The following LRP1B variants were observed in gnomAD, a reference collection of about 807,000 sequenced individuals.
LRP1B encodes the protein low-density lipoprotein receptor-related protein 1B.
In LRP1B, 217 loss-of-function variants were observed where a neutral mutation model predicts 556.6. That is an observed-to-expected ratio of 0.39 (90% CI 0.35 to 0.44). The LOEUF is 0.44. Among genes scored for constraint, LRP1B ranks in the 20% least tolerant of loss-of-function variants. LRP1B has a pLI of 1.00. For missense variants in LRP1B, 5,053 were observed against 5,620.8 expected (o/e 0.90, Z 3.23); for synonymous variants, 2,047 against 1,865.8 (o/e 1.10, Z -2.50).
chr2:140,533,980 T>C (rs181386417), intron 47 of LRP1B, 41 bp downstream of exon 47: 1 of 1,609,708 alleles, frequency 6.2e-7, no homozygotes, highest in South Asian at 1.1e-5. Context: ...AGGAAACACT[T>C]AGCACACCAA....
intron 1 of LRP1B, among the ~76,000 whole-genome samples, chr2:141,926,196 A>G (rs1304171067): frequency 1.3e-5 from 2 of 152,224 alleles, no homozygotes; most frequent in African/African-American, 2.4e-5. Context: ...AATCATTCTG[A>G]ACATTATCAA....
intron 15 of LRP1B, among the ~76,000 whole-genome samples, chr2:141,004,049 A>T (rs1697500587): frequency 6.6e-6 from 1 of 152,070 alleles, no homozygotes; most frequent in South Asian, 2.1e-4. Context: ...TCTTTTCTTC[A>T]TCAGAAGAGA....
At chr2:140,726,038 T>G (rs1404016829) in intron 35 of LRP1B, among the ~76,000 whole-genome samples, 1 of 151,954 alleles carries the variant, frequency 6.6e-6, no homozygotes, top group African/African-American at 2.4e-5. Context: ...TAGTCACGAG[T>G]AGGGTGCAGG....
At chr2:140,652,118 A>G (rs1274309230) in intron 41 of LRP1B, among the ~76,000 whole-genome samples, 1 of 152,150 alleles carries the variant, frequency 6.6e-6, no homozygotes, top group Non-Finnish European at 1.5e-5. Context: ...AACATTTAAG[A>G]TTAAAAGGGA....
rs535469285 is a variant in LRP1B, at chr2:140,473,277, C to A, written c.9625+1861G>T. On this transcript the variant is annotated intron_variant, in intron 60 of 90. Coordinates refer to ENST00000389484, the MANE Select transcript of LRP1B (RefSeq NM_018557.3). ...TTTTTCACTAGTCTTTCTGAGAAAA[C>A]CTTCAGGAGAAAATATTCTGAAGGC... Among the ~76,000 whole-genome samples the A allele has an allele frequency of 9.2e-5, 14 of 152,070 alleles. No homozygotes were observed. The East Asian group carries it at 2.7e-3, about 29-fold the overall frequency.
chr2:140,952,656 A>G (rs1273769009), intron 18 of LRP1B, among the ~76,000 whole-genome samples: 2 of 152,170 alleles, frequency 1.3e-5, no homozygotes, highest in East Asian at 3.9e-4. Context: ...GCATAGAAAA[A>G]GAGTTTGAAA....
In LRP1B at chr2:141,008,550, T is replaced by C. The variant is rs1697647801; in HGVS notation, c.2381-3093A>G. ...CTAAATATACCAAAACCAACAAAAG[T>C]CTATTACTTTCAGGAAGCAGATAGT... On this transcript the variant is annotated intron_variant, in intron 14 of 90. Coordinates refer to ENST00000389484, the MANE Select transcript of LRP1B (RefSeq NM_018557.3). Among the ~76,000 whole-genome samples the C allele has an allele frequency of 2.0e-5, 3 of 151,724 alleles. No individual in the cohort carries two copies. In the South Asian group the frequency reaches 6.2e-4, roughly 31 times the overall value.
intron 35 of LRP1B, among the ~76,000 whole-genome samples, chr2:140,748,136 T>TATATATAA (rs1360430336): frequency 7.0e-4 from 25 of 35,664 alleles, no homozygotes; most frequent in South Asian, 1.6e-3. Flanking sequence ...TATATATATA[T>TATATATAA]AATTCATATA....
intron 3 of LRP1B, among the ~76,000 whole-genome samples, chr2:141,452,244 T>G (rs1387471957): frequency 1.3e-5 from 2 of 152,120 alleles, no homozygotes; most frequent in Non-Finnish European, 2.9e-5. Context: ...TCAGCCAGTG[T>G]GTGATGAAAA....
intron 41 of LRP1B, among the ~76,000 whole-genome samples, chr2:140,624,923 A>C (rs1185445042): frequency 6.6e-6 from 1 of 152,216 alleles, no homozygotes; most frequent in East Asian, 1.9e-4. Context: ...CATTCTAGGC[A>C]GAAGAAACAG....
chr2:140,942,243 G>T (rs928727355), intron 20 of LRP1B, among the ~76,000 whole-genome samples: 3 of 151,972 alleles, frequency 2.0e-5, no homozygotes, highest in African/African-American at 7.3e-5. Flanking sequence ...CAAAAATAAA[G>T]AAAAATAATT....
chr2:141,639,798 T>A (rs1574178365), intron 2 of LRP1B, among the ~76,000 whole-genome samples: 1 of 152,040 alleles, frequency 6.6e-6, no homozygotes, highest in East Asian at 1.9e-4. Context: ...ACAGTAAAAT[T>A]CTTAAGAGGC....
chr2:141,859,751 T>A (rs1390915026), intron 1 of LRP1B, among the ~76,000 whole-genome samples: 2 of 152,172 alleles, frequency 1.3e-5, no homozygotes, highest in African/African-American at 4.8e-5. Flanking sequence ...AACATCACAT[T>A]GTATCACATA....
chr2:140,403,896 A>C (rs942740720), intron 66 of LRP1B, among the ~76,000 whole-genome samples: 1 of 152,202 alleles, frequency 6.6e-6, no homozygotes, highest in African/African-American at 2.4e-5. Flanking sequence ...GGTAGCATAA[A>C]GGAAAACCAG....
intron 2 of LRP1B, among the ~76,000 whole-genome samples, chr2:141,652,870 A>G (rs1181665047): frequency 6.6e-6 from 1 of 152,168 alleles, no homozygotes; most frequent in Non-Finnish European, 1.5e-5. Context: ...CTTGTCATAT[A>G]TAAGGCTTAC....
At chr2:141,802,317 A>C (rs1235389939) in intron 2 of LRP1B, among the ~76,000 whole-genome samples, 2 of 152,090 alleles carry the variant, frequency 1.3e-5, no homozygotes, top group East Asian at 3.9e-4. Context: ...TCAGTACAAA[A>C]ATAGAAACTA....
chr2:142,065,343 G>C (rs888464719), intron 1 of LRP1B, among the ~76,000 whole-genome samples: 1 of 151,076 alleles, frequency 6.6e-6, no homozygotes, highest in African/African-American at 2.4e-5. Context: ...TTCAGTTTTA[G>C]AAGATCCCCC....
intron 14 of LRP1B, among the ~76,000 whole-genome samples, chr2:141,011,956 A>C (rs1482067938): frequency 6.6e-6 from 1 of 152,064 alleles, no homozygotes; most frequent in Non-Finnish European, 1.5e-5. Flanking sequence ...GAGAAATTGT[A>C]GGGGTAAGTT....
chr2:140,427,410 C>T (rs541110368), intron 66 of LRP1B, among the ~76,000 whole-genome samples: 5 of 152,164 alleles, frequency 3.3e-5, no homozygotes, highest in East Asian at 1.9e-4. Flanking sequence ...ACCCTCCGTT[C>T]GTCCTTCTTC....
Sources: allele counts gnomAD v4.1 joint callset (sites outside exome capture counted in the v4.1 genomes callset), GRCh38; gene constraint gnomAD v4.1.1; transcripts MANE v1.5; gene names NCBI Gene and HGNC (gene_info 2026-07-23, HGNC 2026-07-21).